Variants in PUDP observed in about 807,000 individuals in gnomAD.
PUDP encodes the protein pseudouridine-5'-phosphatase.
Under a neutral mutation model 9.4 loss-of-function variants are expected in PUDP, and 8 were observed. That is an observed-to-expected ratio of 0.85 (90% CI 0.50 to 1.53). The LOEUF (loss-of-function observed/expected upper bound fraction) is 1.53, where lower values mean the gene tolerates loss of function less well. Among genes scored for constraint, PUDP ranks in the 40% most tolerant of loss-of-function variants. The probability of loss-of-function intolerance (pLI) is 0.00; values close to 1 mark genes in which losing one functional copy is unlikely to be tolerated. For synonymous variants in PUDP, 99 were observed against 80.7 expected (o/e 1.23, Z -1.22); for missense variants, 188 against 189.7 (o/e 0.99, Z 0.05).
chrX:6,998,442 G>A (rs1482712834), intron 1 of PUDP, among the ~76,000 whole-genome samples: 2 of 111,075 alleles, frequency 1.8e-5, no homozygotes, highest in African/African-American at 6.6e-5. Flanking sequence ...TACCGAGTAG[G>A]GGAGACAGGG....
intron 3 of PUDP, among the ~76,000 whole-genome samples, chrX:7,064,894 G>C (rs1026085025): frequency 1.8e-5 from 2 of 112,039 alleles, no homozygotes; most frequent in Non-Finnish European, 3.8e-5. Context: ...ACACGAGGAG[G>C]AAAAGGTTAC....
intron 3 of PUDP, among the ~76,000 whole-genome samples, chrX:6,790,358 A>C (rs1354034435): frequency 1.8e-5 from 2 of 112,480 alleles, no homozygotes; most frequent in Non-Finnish European, 3.8e-5. Context: ...CCAGGTATCC[A>C]TCAATTGGAG....
At chrX:6,833,102 A>G (rs1926528827) in intron 3 of PUDP, among the ~76,000 whole-genome samples, 1 of 112,332 alleles carries the variant, frequency 8.9e-6, no homozygotes. Context: ...AAAAAATGTT[A>G]TAAATAGTAA....
chrX:6,753,946 G>A (rs567261577), intron 3 of PUDP, among the ~76,000 whole-genome samples: 6 of 111,550 alleles, frequency 5.4e-5, no homozygotes, highest in East Asian at 2.8e-4. Context: ...CTCTGCTGGC[G>A]GTTCTTTTTG....
chrX:6,778,819 G>C (rs1317640535), intron 3 of PUDP, among the ~76,000 whole-genome samples: 2 of 112,426 alleles, frequency 1.8e-5, no homozygotes, highest in Admixed American at 1.9e-4. Context: ...AGAACGGGGA[G>C]AGCGTGCCAG....
At chrX:7,075,184 T>C (rs1289705415) in intron 3 of PUDP, among the ~76,000 whole-genome samples, 3 of 111,560 alleles carry the variant, frequency 2.7e-5, no homozygotes, top group Non-Finnish European at 5.7e-5. Flanking sequence ...TAGGACAGGG[T>C]CTGGACATCA....
chrX:7,053,653 C>T (rs1930161434), intron 3 of PUDP, among the ~76,000 whole-genome samples: 1 of 111,902 alleles, frequency 8.9e-6, no homozygotes, highest in Admixed American at 9.5e-5. Context: ...TCCATTAAAC[C>T]TCTTTTTCTT....
intron 1 of PUDP, among the ~76,000 whole-genome samples, chrX:6,982,273 T>C (rs1217417576): frequency 1.8e-5 from 2 of 111,958 alleles, no homozygotes; most frequent in African/African-American, 6.5e-5. Context: ...CACCCAGACA[T>C]GGCACTGCAG....
chrX:6,805,857 G>C, intron 3 of PUDP, among the ~76,000 whole-genome samples: 1 of 111,400 alleles, frequency 9.0e-6, no homozygotes, highest in South Asian at 3.8e-4. Flanking sequence ...ATCATGTTGT[G>C]AATTTTGTAT....
At chrX:6,709,671 T>C (rs1924509497) in intron 1 of PUDP, among the ~76,000 whole-genome samples, 1 of 112,621 alleles carries the variant, frequency 8.9e-6, no homozygotes, top group Admixed American at 9.4e-5. Flanking sequence ...ACTGATGTTC[T>C]TAAAATGATG....
intron 1 of PUDP, among the ~76,000 whole-genome samples, chrX:6,708,922 A>G (rs1006831376): frequency 8.9e-6 from 1 of 112,275 alleles, no homozygotes; most frequent in African/African-American, 3.2e-5. Context: ...AACACAGCAG[A>G]GACCTCAAGG....
chrX:6,721,496 C>T (rs1186133118), exon 1 of PUDP: 1 of 112,190 alleles, frequency 8.9e-6, no homozygotes, highest in East Asian at 2.8e-4. Context: ...GAAGTCTCGC[C>T]AAAGCTGAGG....
At position 6,976,768 on chromosome X, in the gene PUDP, G is replaced by A. The variant is rs770934101; in HGVS notation, c.*247+365C>T. 4.5e-5 allele frequency among the ~76,000 whole-genome samples: 5 copies of A among 111,653 alleles called. No individual in the cohort carries two copies. In the South Asian group the frequency reaches 1.1e-3, roughly 26 times the overall value. On this transcript the variant is annotated intron_variant and NMD_transcript_variant, in intron 3 of 3. Transcript: ENST00000655425. Reference sequence around the variant, plus strand: ...CTTAAAGAACAACACAGCATCAAGGGGCATCTGACCTCTGGTCATTTGGAG... The same window carrying A: ...CTTAAAGAACAACACAGCATCAAGGAGCATCTGACCTCTGGTCATTTGGAG...
At chrX:7,139,678 A>G (rs1485574479) in intron 1 of PUDP, among the ~76,000 whole-genome samples, 1 of 112,233 alleles carries the variant, frequency 8.9e-6, no homozygotes, top group African/African-American at 3.2e-5. Flanking sequence ...GGAGTCAAAG[A>G]GCAAACTTTG....
At position 6,734,137 on chromosome X, in the gene PUDP, A is replaced by G. The variant is rs752111535; in HGVS notation, c.*248-27671T>C. Among the ~76,000 whole-genome samples the G allele has an allele frequency of 3.6e-5, 4 of 110,560 alleles. No homozygotes were observed. In the South Asian group the frequency reaches 1.6e-3, roughly 43 times the overall value. On this transcript the variant is annotated intron_variant and NMD_transcript_variant, in intron 3 of 3. Coordinates refer to the PUDP transcript ENST00000655425. Reference sequence around the variant, plus strand: ...CTTGACAGGGATCCAGACTGCTTCCACCTTTGCAAAGCTCAACAAAAAAAT... The same window carrying G: ...CTTGACAGGGATCCAGACTGCTTCCGCCTTTGCAAAGCTCAACAAAAAAAT...
At chrX:6,820,916 G>A (rs934110952) in intron 3 of PUDP, among the ~76,000 whole-genome samples, 1 of 111,821 alleles carries the variant, frequency 8.9e-6, no homozygotes, top group African/African-American at 3.3e-5. Context: ...ACTCTGTGTG[G>A]GGGCTCCTAC....
rs888436802 is a variant in PUDP at position 7,056,364 on chromosome X, C to T, written c.511-5892G>A. Among the ~76,000 whole-genome samples, 10 of 111,973 alleles carry T rather than the reference C, an allele frequency of 8.9e-5. No homozygotes were observed. In the South Asian group the frequency reaches 1.9e-3, roughly 21 times the overall value. On this transcript the variant is annotated intron_variant, in intron 3 of 3. Coordinates refer to ENST00000381077, the MANE Select transcript of PUDP (RefSeq NM_012080.5). ...AACTGGGGTTTGGTCCAGGGGATGG[C>T]GCTGCCACCTGCACATGCTCCCGGC... is the stretch of plus-strand genomic sequence containing the variant.
At chrX:7,021,938 C>T (rs1929639577) in intron 1 of PUDP, among the ~76,000 whole-genome samples, 1 of 112,093 alleles carries the variant, frequency 8.9e-6, no homozygotes, top group South Asian at 3.7e-4. Context: ...TGTTCTTTGC[C>T]CAAGTGGTTT....
intron 3 of PUDP, among the ~76,000 whole-genome samples, chrX:6,827,431 T>TG (rs1926441110): frequency 9.0e-6 from 1 of 111,511 alleles, no homozygotes; most frequent in African/African-American, 3.3e-5. Flanking sequence ...ATTCTATTGG[T>TG]TATTTGGTGT....
Sources: allele counts gnomAD v4.1 joint callset (sites outside exome capture counted in the v4.1 genomes callset), GRCh38; gene constraint gnomAD v4.1.1; transcripts MANE v1.5; gene names NCBI Gene and HGNC (gene_info 2026-07-23, HGNC 2026-07-21).